ADGRG5: variants seen among roughly 807,000 people sequenced by gnomAD.
The protein encoded by ADGRG5 is adhesion G protein-coupled receptor G5.
Under a neutral mutation model 53.2 loss-of-function variants are expected in ADGRG5, and 37 were observed. The ratio of observed to expected loss-of-function variants is 0.70; its 90% CI spans 0.53 to 0.91. ADGRG5 has a LOEUF of 0.91. Ranked by LOEUF, ADGRG5 falls within the 40% of genes least tolerant of loss-of-function variation. The pLI is 0.00. For synonymous variants in ADGRG5, 277 were observed against 290.4 expected (o/e 0.95, Z 0.47); for missense variants, 614 against 675.8 (o/e 0.91, Z 1.01).
At chr16:57,548,896 G>C (rs565860915) in intron 1 of ADGRG5, among the ~76,000 whole-genome samples, 4 of 152,032 alleles carry the variant, frequency 2.6e-5, no homozygotes, top group Non-Finnish European at 5.9e-5. Context: ...GAATAAAGCT[G>C]CTATGACTCT....
chr16:57,530,744 A>T, the ADGRG5 span, among the ~76,000 whole-genome samples: 1 of 151,374 alleles, frequency 6.6e-6, no homozygotes, highest in African/African-American at 2.4e-5. Flanking sequence ...CAGGGGTCTT[A>T]CCCCTGCTGA....
chr16:57,531,196 C>A, the ADGRG5 span, among the ~76,000 whole-genome samples: 1 of 152,044 alleles, frequency 6.6e-6, no homozygotes, highest in African/African-American at 2.4e-5. Flanking sequence ...GATTCAGGCT[C>A]ATCTTGGTTA....
chr16:57,554,068 C>G (rs1446965779), intron 1 of ADGRG5, among the ~76,000 whole-genome samples: 3 of 152,054 alleles, frequency 2.0e-5, no homozygotes, highest in African/African-American at 7.2e-5. Flanking sequence ...TTCCTATTTT[C>G]TATTTTTTCT....
chr16:57,545,919 G>T (rs183433106), intron 1 of ADGRG5, among the ~76,000 whole-genome samples: 2 of 152,168 alleles, frequency 1.3e-5, no homozygotes, highest in East Asian at 3.9e-4. Flanking sequence ...TCTGCCTCCC[G>T]GGTTCAAACG....
the ADGRG5 span, among the ~76,000 whole-genome samples, chr16:57,534,672 C>T: frequency 6.6e-6 from 1 of 152,146 alleles, no homozygotes; most frequent in Non-Finnish European, 1.5e-5. Context: ...GGAAGGTACC[C>T]CTAAGAAGGT....
Position 57,574,809 on chromosome 16 carries a change from C to G in ADGRG5, c.1209-6C>G. 1 of 1,562,722 alleles carries G rather than the reference C, an allele frequency of 6.4e-7. No homozygotes were observed. On this transcript the variant is annotated splice_region_variant and splice_polypyrimidine_tract_variant and intron_variant, in intron 10 of 11. Coordinates refer to ENST00000349457, the MANE Select transcript of ADGRG5 (RefSeq NM_001304376.3). The surrounding 1 kb of genome is among the most constrained non-coding windows in gnomAD (Gnocchi z 4.4). The stretch of plus-strand genomic sequence containing the variant: ...TGTGAGCCTGACACGTCACCCTCCC[C>G]TGCAGATGCTGGGTGCGGAGCCCCG...
intron 10 of ADGRG5, among the ~76,000 whole-genome samples, chr16:57,573,194 G>A (rs1011498969): frequency 6.6e-6 from 1 of 152,144 alleles, no homozygotes; most frequent in African/African-American, 2.4e-5. Flanking sequence ...GACTTTGGAA[G>A]GCCGAGGCAG....
At position 57,566,699 on chromosome 16, in the gene ADGRG5, ACT is replaced by A; in HGVS notation, c.651_652del (p.Gln218GlyfsTer60). On this transcript the variant is annotated frameshift_variant, in exon 7 of 12. Coordinates refer to ENST00000349457, the MANE Select transcript of ADGRG5 (RefSeq NM_001304376.3). LOFTEE classifies it high-confidence loss of function. ...GGCTGTCGTACAGAGCAGCCCTCCC[ACT>A]CTCAGGTGCTCTGCCGCTGCAACCA... is the stretch of plus-strand genomic sequence containing the variant. The A allele has an allele frequency of 3.8e-6, 6 of 1,588,216 alleles. No homozygotes were observed. Among genetic ancestry groups the A allele is most frequent in the Non-Finnish European group, 5.1e-6 (6 of 1,168,132 alleles).
intron 6 of ADGRG5, chr16:57,565,941 A>G (rs557816019): frequency 2.0e-5 from 3 of 152,122 alleles, no homozygotes; most frequent in African/African-American, 7.2e-5. Context: ...ACTGCCCTGC[A>G]CTCTAAATTT....
chr16:57,551,518 T>C (rs767000460), intron 1 of ADGRG5, among the ~76,000 whole-genome samples: 17 of 152,230 alleles, frequency 1.1e-4, no homozygotes, highest in Non-Finnish European at 2.4e-4. Flanking sequence ...TGTTCATCTA[T>C]GAGAAGCGAC....
rs1391227053 is a variant in ADGRG5, at chr16:57,545,983, G to A, written c.-39+3282G>A. Among the ~76,000 whole-genome samples, 8 of 152,144 alleles carry A rather than the reference G, an allele frequency of 5.3e-5. No homozygotes were observed. The South Asian group carries it at 6.3e-4, about 12-fold the overall frequency. On this transcript the variant is annotated intron_variant, in intron 1 of 11. Coordinates refer to ENST00000349457, the MANE Select transcript of ADGRG5 (RefSeq NM_001304376.3). ...TGGGATTACAGGCACGCTCCACTGC[G>A]CCTGACTAATTTTTGTATTTTTAGT...
intron 8 of ADGRG5, 69 bp from the exon 9 acceptor site, chr16:57,567,787 A>C: frequency 6.5e-7 from 1 of 1,527,818 alleles, no homozygotes; most frequent in Non-Finnish European, 8.8e-7. Flanking sequence ...GCATGCACCT[A>C]TGCACCCAGT....
Position 57,575,901 on chromosome 16 carries a change from C to A in ADGRG5, c.*363C>A. 1 of 208,436 alleles carries A rather than the reference C, an allele frequency of 4.8e-6. No homozygotes were observed. Among genetic ancestry groups the A allele is most frequent in the Non-Finnish European group, 1.0e-5 (1 of 100,492 alleles). 12.9% of individuals were successfully genotyped at this position (208,436 alleles called of 1,614,324 possible). Reference sequence around the variant, plus strand: ...CTTGGGCCTGCCACTTCTCACAGACCCTAGGTATCCACAGCTGTGACATGG... The same window carrying A: ...CTTGGGCCTGCCACTTCTCACAGACACTAGGTATCCACAGCTGTGACATGG... On this transcript the variant is annotated 3_prime_UTR_variant, in exon 12 of 12. Transcript: ENST00000349457.
chr16:57,557,067 G>A (rs553254905), intron 1 of ADGRG5, among the ~76,000 whole-genome samples: 1 of 152,026 alleles, frequency 6.6e-6, no homozygotes, highest in South Asian at 2.1e-4. Context: ...ATGCCACCAT[G>A]CCTGACTAAG....
At chr16:57,557,754 A>T (rs946068561) in intron 1 of ADGRG5, among the ~76,000 whole-genome samples, 3 of 152,216 alleles carry the variant, frequency 2.0e-5, no homozygotes, top group Non-Finnish European at 4.4e-5. Flanking sequence ...CAGTTTGCTA[A>T]TAAACCCATT....
chr16:57,540,149 A>G (rs1252173382), upstream of ADGRG5, among the ~76,000 whole-genome samples: 1 of 152,138 alleles, frequency 6.6e-6, no homozygotes, highest in African/African-American at 2.4e-5. Context: ...AGGCTGAGGC[A>G]GGAGAATAGC....
At chr16:57,534,749 C>G in the ADGRG5 span, among the ~76,000 whole-genome samples, 2 of 152,168 alleles carry the variant, frequency 1.3e-5, no homozygotes, top group African/African-American at 4.8e-5. Flanking sequence ...TCCTAAAGAT[C>G]AGGAGTCAGT....
At chr16:57,546,997 C>T (rs1378738965) in intron 1 of ADGRG5, among the ~76,000 whole-genome samples, 1 of 152,164 alleles carries the variant, frequency 6.6e-6, no homozygotes, top group Admixed American at 6.5e-5. Context: ...CAGGTGTGAG[C>T]CACTGCACCT....
At chr16:57,568,452 C>G (rs2033210906) in intron 9 of ADGRG5, among the ~76,000 whole-genome samples, 4 of 151,810 alleles carry the variant, frequency 2.6e-5, no homozygotes, top group South Asian at 4.2e-4. Flanking sequence ...CCATCACCAC[C>G]ATCATCATCT....
Sources: allele counts gnomAD v4.1 joint callset (sites outside exome capture counted in the v4.1 genomes callset), GRCh38; gene constraint gnomAD v4.1.1; non-coding constraint Gnocchi (gnomAD v3.1); transcripts MANE v1.5; gene names NCBI Gene and HGNC (gene_info 2026-07-23, HGNC 2026-07-21).